Variants in AKR1D1 observed in about 807,000 individuals in gnomAD.
AKR1D1 encodes aldo-keto reductase family 1 member D1.
AKR1D1 carries 32 observed loss-of-function variants against 42.6 expected under a neutral mutation model. That is an observed-to-expected ratio of 0.75 (90% CI 0.57 to 1.01). AKR1D1 has a LOEUF of 1.01. Among genes scored for constraint, AKR1D1 ranks in the 50% least tolerant of loss-of-function variants. The pLI, the probability that AKR1D1 is intolerant of heterozygous loss-of-function variation, is 0.00. For missense variants in AKR1D1, 364 were observed against 402.2 expected (o/e 0.91, Z 0.81); for synonymous variants, 123 against 135.5 (o/e 0.91, Z 0.64).
Position 138,107,525 on chromosome 7 carries a change from G to A in AKR1D1, c.800G>A (p.Gly267Glu), listed in dbSNP as rs985522685. Residue 267 changes from glycine (G) to glutamate (E), a missense_variant, in exon 7 of 9, where the codon GGG (glycine) becomes GAG (glutamate). Transcript: ENST00000242375. ...QIVLRFNIQR[G>E]VVVIPKSFNL... ...GTTTTGCGTTTCAACATCCAGCGAG[G>A]GGTGGTTGTCATTCCTAAAAGCTTT... 9.9e-6 allele frequency: 16 copies of A among 1,614,018 alleles called. No individual in the cohort carries two copies. In the Admixed American group the frequency reaches 1.7e-4, roughly 17 times the overall value.
chr7:138,101,167 CCCTCCCTCCCTCCCTCCCTCCCTCCCTT>C (rs1346922671), intron 4 of AKR1D1, among the ~76,000 whole-genome samples: 26 of 32,884 alleles, frequency 7.9e-4, no homozygotes, highest in East Asian at 2.1e-3. Context: ...CTCCCTCCCT[CCCTCCCTCCCTCCCTCCCTCCCTCCCTT>C]CCTTCCTTCC....
chr7:138,078,947 A>G (rs1305807776), intron 1 of AKR1D1, among the ~76,000 whole-genome samples: 1 of 152,202 alleles, frequency 6.6e-6, no homozygotes, highest in Non-Finnish European at 1.5e-5. Flanking sequence ...TGCAGGGCTC[A>G]GAACCCATTT....
intron 7 of AKR1D1, among the ~76,000 whole-genome samples, chr7:138,112,765 TAAAA>T (rs1306421688): frequency 6.6e-6 from 1 of 150,828 alleles, no homozygotes; most frequent in Non-Finnish European, 1.5e-5. Context: ...GATAGAAAGA[TAAAA>T]TAATAAAGAG....
At position 138,118,105 on chromosome 7, in the gene AKR1D1, A is replaced by G. The variant is rs1014448271; in HGVS notation, c.*1443A>G. On this transcript the variant is annotated 3_prime_UTR_variant, in exon 9 of 9. Transcript: ENST00000242375. Reference sequence around the variant, plus strand: ...TGTCATAGGATGAGAGAGTTCTTCAAAAATTATGTTTTCCCAAGATCAGTT... The same window carrying G: ...TGTCATAGGATGAGAGAGTTCTTCAGAAATTATGTTTTCCCAAGATCAGTT... 1 of 152,228 alleles carries G rather than the reference A, an allele frequency of 6.6e-6. No individual in the cohort carries two copies. Among genetic ancestry groups the G allele is most frequent in the African/African-American group, 2.4e-5 (1 of 41,464 alleles). 9.4% of individuals were successfully genotyped at this position (152,228 alleles called of 1,614,324 possible). A position where few individuals can be genotyped will look rare whatever the true frequency, so the allele number is the denominator to read the frequency against.
At chr7:138,079,775 G>A (rs1026581203) in intron 1 of AKR1D1, among the ~76,000 whole-genome samples, 1 of 152,186 alleles carries the variant, frequency 6.6e-6, no homozygotes, top group Admixed American at 6.5e-5. Flanking sequence ...ATATAACCCA[G>A]CTCATAATGG....
chr7:138,100,696 A>ATTTTT (rs1794283773), intron 4 of AKR1D1, among the ~76,000 whole-genome samples: 2 of 96,906 alleles, frequency 2.1e-5, no homozygotes, highest in African/African-American at 8.8e-5. Flanking sequence ...ATAGTCAGAG[A>ATTTTT]TTCTTTTTTT....
chr7:138,099,513 A>G (rs1314092235), intron 4 of AKR1D1, among the ~76,000 whole-genome samples: 1 of 152,180 alleles, frequency 6.6e-6, no homozygotes, highest in Non-Finnish European at 1.5e-5. Flanking sequence ...TAAAAACACA[A>G]TGCAATTGGT....
intron 4 of AKR1D1, among the ~76,000 whole-genome samples, chr7:138,099,418 T>C (rs1009531015): frequency 6.6e-6 from 1 of 151,978 alleles, no homozygotes. Context: ...AATTAATATA[T>C]TAGAGAACAT....
chr7:138,079,418 T>C (rs905001669), intron 1 of AKR1D1, among the ~76,000 whole-genome samples: 1 of 152,178 alleles, frequency 6.6e-6, no homozygotes. Flanking sequence ...AATGCCTTAT[T>C]TTCCTCTTTA....
chr7:138,105,367 C>T lies in AKR1D1; in HGVS notation c.517C>T (p.Arg173Cys), dbSNP rs758755863. 8 of 1,613,948 alleles carry T rather than the reference C, an allele frequency of 5.0e-6. No individual in the cohort carries two copies. Among genetic ancestry groups the T allele is most frequent in the African/African-American group, 2.7e-5 (2 of 74,868 alleles). The part of the protein sequence containing the change: ...VKSLGVSNFN[R>C]RQLELILNKP... ...ATCCCTGGGAGTGTCCAATTTTAAC[C>T]GCAGGCAGCTGGAGCTCATCCTGAA... Residue 173 changes from arginine (R) to cysteine (C), a missense_variant, in exon 5 of 9, where the codon CGC (arginine) becomes TGC (cysteine). Coordinates refer to ENST00000242375, the MANE Select transcript of AKR1D1 (RefSeq NM_005989.4).
Position 138,088,713 on chromosome 7 carries a change from G to T in AKR1D1, c.206G>T (p.Arg69Met). The T allele has an allele frequency of 6.2e-7, 1 of 1,613,374 alleles. No homozygotes were observed. The highest frequency in any genetic ancestry group is 8.5e-7 in the Non-Finnish European group (1 of 1,179,738). The change falls in exon 2 of 9, where the codon AGG becomes ATG. Residue 69 changes from arginine (R) to methionine (M), a missense_variant. Arg to Met is a moderately conservative substitution (Grantham distance 91). Coordinates refer to ENST00000242375, the MANE Select transcript of AKR1D1 (RefSeq NM_005989.4). ...QNEHEVGEAI[R>M]EKIAEGKVRR... Reference sequence around the variant, plus strand: ...GAACACGAAGTTGGGGAGGCCATCAGGGAGAAGATAGCAGAAGGAAAGGTG... The same window carrying T: ...GAACACGAAGTTGGGGAGGCCATCATGGAGAAGATAGCAGAAGGAAAGGTG...
At chr7:138,088,486 T>G in intron 1 of AKR1D1, 115 bp from the exon 2 acceptor site, 3 of 1,247,660 alleles carry the variant, frequency 2.4e-6, no homozygotes, top group Admixed American at 3.6e-5. Context: ...AGCAAGGAAT[T>G]GGGAATGTGT....
intron 3 of AKR1D1, among the ~76,000 whole-genome samples, chr7:138,093,077 T>TC (rs1364333978): frequency 6.6e-6 from 1 of 151,814 alleles, no homozygotes; most frequent in African/African-American, 2.4e-5. Flanking sequence ...ATTACTTTTT[T>TC]TTTTTTTTTT....
chr7:138,083,529 C>T (rs1803102075), intron 1 of AKR1D1, among the ~76,000 whole-genome samples: 1 of 152,074 alleles, frequency 6.6e-6, no homozygotes, highest in Non-Finnish European at 1.5e-5. Flanking sequence ...TTCTTCTATT[C>T]CATAAGTTGC....
At position 138,083,243 on chromosome 7, in the gene AKR1D1, G is replaced by A. The variant is rs377480485; in HGVS notation, c.94-5358G>A. Among the ~76,000 whole-genome samples, 6 of 152,036 alleles carry A rather than the reference G, an allele frequency of 3.9e-5. No individual in the cohort carries two copies. In the East Asian group the frequency reaches 1.2e-3, roughly 29 times the overall value. ...TTTTTTGATAATAGTCATCCTAATGGGTGTGAGGTGTTATTTCATTGTAGT... is the reference window on the plus strand; with the variant it reads ...TTTTTTGATAATAGTCATCCTAATGAGTGTGAGGTGTTATTTCATTGTAGT... On this transcript the variant is annotated intron_variant, in intron 1 of 8. Transcript: ENST00000242375.
intron 1 of AKR1D1, among the ~76,000 whole-genome samples, chr7:138,079,932 A>G (rs1803018299): frequency 6.6e-6 from 1 of 152,208 alleles, no homozygotes; most frequent in African/African-American, 2.4e-5. Context: ...GGGGCTTGCC[A>G]TAAACTCCAT....
intron 4 of AKR1D1, among the ~76,000 whole-genome samples, chr7:138,104,725 A>G (rs1010396356): frequency 2.6e-5 from 4 of 152,064 alleles, no homozygotes; most frequent in South Asian, 4.1e-4. Flanking sequence ...CCATAAAAAA[A>G]GTACCCAAAA....
At chr7:138,078,154 G>A (rs1872928) in intron 1 of AKR1D1, among the ~76,000 whole-genome samples, 20,891 of 152,064 alleles carry the variant, frequency 0.14, 1,519 homozygotes, top group East Asian at 0.2. Context: ...TAGAGAAGGG[G>A]TTTCATCATA....
At chr7:138,088,565 C>T in intron 1 of AKR1D1, 36 bp from the exon 2 acceptor site, 1 of 1,609,508 alleles carries the variant, frequency 6.2e-7, no homozygotes, top group Non-Finnish European at 8.5e-7. Context: ...AAGACCATTT[C>T]TCTTTTCCCC....
Sources: gnomAD v4.1 joint callset for allele counts (sites outside exome capture counted in the v4.1 genomes callset) on GRCh38, gnomAD v4.1.1 for gene constraint, MANE v1.5 for transcripts, NCBI Gene and HGNC (gene_info 2026-07-23, HGNC 2026-07-21) for gene names.